Variants in TBCE observed in about 807,000 individuals in gnomAD.
TBCE encodes tubulin folding cofactor E.
TBCE carries 53 observed loss-of-function variants against 77.0 expected under a neutral mutation model. The observed-to-expected ratio is 0.69, with a 90% CI of 0.55 to 0.87. TBCE has a LOEUF of 0.87. Among genes scored for constraint, TBCE ranks in the 40% least tolerant of loss-of-function variants. The pLI, the probability that TBCE is intolerant of heterozygous loss-of-function variation, is 0.00. For synonymous variants in TBCE, 235 were observed against 241.3 expected (o/e 0.97, Z 0.24); for missense variants, 624 against 622.4 (o/e 1.00, Z -0.03).
At chr1:235,398,622 CTT>C (rs543905164) in intron 2 of TBCE, among the ~76,000 whole-genome samples, 15 of 133,336 alleles carry the variant, frequency 1.1e-4, no homozygotes, top group Non-Finnish European at 2.0e-4. Context: ...GTGGTGTTTT[CTT>C]TTTTTTTTTT....
intron 2 of TBCE, among the ~76,000 whole-genome samples, chr1:235,398,506 G>T (rs1289845293): frequency 6.6e-6 from 1 of 151,438 alleles, no homozygotes; most frequent in Non-Finnish European, 1.5e-5. Context: ...CTTAATTATT[G>T]ATAATTTGGG....
intron 1 of TBCE, among the ~76,000 whole-genome samples, chr1:235,371,512 TTA>T (rs1436964055): frequency 4.3e-4 from 65 of 150,098 alleles, no homozygotes; most frequent in African/African-American, 1.6e-3. Flanking sequence ...GTAGCTGGGA[TTA>T]TACGCGTGTG....
intron 13 of TBCE, among the ~76,000 whole-genome samples, chr1:235,440,453 C>T (rs922792758): frequency 3.3e-5 from 5 of 151,942 alleles, no homozygotes; most frequent in Non-Finnish European, 5.9e-5. Flanking sequence ...AGTCCAATGG[C>T]GCGATCTCGG....
intron 1 of TBCE, among the ~76,000 whole-genome samples, chr1:235,378,444 G>T (rs1572320769): frequency 6.6e-6 from 1 of 152,186 alleles, no homozygotes; most frequent in Non-Finnish European, 1.5e-5. Flanking sequence ...GGCTGGTCTC[G>T]AATTCCTGGC....
At chr1:235,444,497 G>A (rs572801188) in intron 15 of TBCE, among the ~76,000 whole-genome samples, 91 of 152,164 alleles carry the variant, frequency 6.0e-4, no homozygotes, top group Non-Finnish European at 1.5e-4. Flanking sequence ...CCTTGATCCC[G>A]GGCTCAAGTG....
intron 5 of TBCE, among the ~76,000 whole-genome samples, chr1:235,426,648 ATTTATT>A (rs1680729159): frequency 6.6e-6 from 1 of 152,012 alleles, no homozygotes; most frequent in Non-Finnish European, 1.5e-5. Context: ...TGAACTTTTA[ATTTATT>A]TTTAGTTTTT....
intron 15 of TBCE, among the ~76,000 whole-genome samples, chr1:235,445,982 T>C (rs896807198): frequency 6.6e-5 from 10 of 152,292 alleles, no homozygotes; most frequent in East Asian, 3.9e-4. Context: ...CACATGTGGC[T>C]ATTTAAATTC....
intron 14 of TBCE, among the ~76,000 whole-genome samples, 178 bp downstream of exon 14, chr1:235,442,060 T>G (rs1572447091): frequency 6.6e-6 from 1 of 150,816 alleles, no homozygotes; most frequent in Non-Finnish European, 1.5e-5. Flanking sequence ...CAGGCTGGAG[T>G]GCAGTGGTGT....
At chr1:235,394,275 C>T (rs540755311) in intron 2 of TBCE, among the ~76,000 whole-genome samples, 143 of 152,026 alleles carry the variant, frequency 9.4e-4, no homozygotes, top group Non-Finnish European at 9.1e-4. Flanking sequence ...GGGGTTTCAC[C>T]GTGTTAGCCA....
In TBCE at chr1:235,436,838, G is replaced by GC. The variant is rs1340988948; in HGVS notation, c.963+232dup. ...ATGGCACATTAATAGAGTAAAAGGG[G>GC]CCGGGTGTGGTGGCTCAAGCCTGTA... On this transcript the variant is annotated intron_variant, in intron 11 of 16. Transcript: ENST00000642610. 5.9e-5 allele frequency among the ~76,000 whole-genome samples: 9 copies of GC among 152,294 alleles called. No individual in the cohort carries two copies. The East Asian group carries it at 1.5e-3, about 26-fold the overall frequency.
intron 5 of TBCE, chr1:235,423,642 G>T: frequency 6.5e-6 from 1 of 154,230 alleles, no homozygotes. Context: ...CCATCATGCA[G>T]GTGTGGGCCC....
intron 2 of TBCE, among the ~76,000 whole-genome samples, chr1:235,396,726 G>A (rs1678744483): frequency 6.6e-6 from 1 of 152,098 alleles, no homozygotes; most frequent in Non-Finnish European, 1.5e-5. Context: ...TTTCTCTGAT[G>A]ATCAGTGATG....
chr1:235,414,611 C>T lies in TBCE; in HGVS notation c.364C>T (p.Gln122Ter), dbSNP rs1649975806. The stretch of plus-strand genomic sequence containing the variant: ...TATCGGTTTTGACTCTATTATGAAA[C>T]AGCAAAGGTAAGTGGAGTTTATAAC... ...ETIGFDSIMKQQSQLSKLQEV... is the reference protein window; with the variant it reads ...ETIGFDSIMK Residue 122 changes from glutamine to a stop codon, truncating the protein, a stop_gained, in exon 4 of 17, where the codon CAG becomes TAG. Transcript: ENST00000642610. LOFTEE classifies it high-confidence loss of function. The T allele has an allele frequency of 6.2e-7, 1 of 1,613,542 alleles. No homozygotes were observed. Among genetic ancestry groups the T allele is most frequent in the Non-Finnish European group, 8.5e-7 (1 of 1,179,894 alleles).
rs774822889 is a variant in TBCE, at chr1:235,448,708, G to C, written c.1530G>C (p.Lys510Asn). 5 of 1,613,980 alleles carry C rather than the reference G, an allele frequency of 3.1e-6. No individual in the cohort carries two copies. Among genetic ancestry groups the C allele is most frequent in the South Asian group, 1.1e-5 (1 of 91,084 alleles). Residue 510 changes from lysine to asparagine, a missense_variant, in exon 17 of 17, where the codon AAG (lysine) becomes AAC (asparagine). Lys to Asn is a moderately conservative substitution (Grantham distance 94). Coordinates refer to ENST00000642610, the MANE Select transcript of TBCE (RefSeq NM_003193.5). ...GREIELENDLKSLQFYSVENG... is the reference protein window; with the variant it reads ...GREIELENDLNSLQFYSVENG... Reference sequence around the variant, plus strand: ...AAATCGAGCTGGAAAATGACCTAAAGTCATTACAGTTTTATTCTGTGGAAA... The same window carrying C: ...AAATCGAGCTGGAAAATGACCTAAACTCATTACAGTTTTATTCTGTGGAAA...
At chr1:235,403,049 GTCAGGGTGT>G (rs1276143785) in intron 3 of TBCE, among the ~76,000 whole-genome samples, 1 of 152,110 alleles carries the variant, frequency 6.6e-6, no homozygotes, top group Non-Finnish European at 1.5e-5. Context: ...ATTTTAGAAA[GTCAGGGTGT>G]TCTTAAAAGG....
intron 6 of TBCE, chr1:235,429,377 G>C (rs1680956916): frequency 6.6e-6 from 1 of 152,168 alleles, no homozygotes; most frequent in Admixed American, 6.6e-5. Context: ...TAAGGAATGT[G>C]TTTTAACTTT....
chr1:235,390,566 A>G (rs1678316568), intron 2 of TBCE, among the ~76,000 whole-genome samples: 1 of 152,244 alleles, frequency 6.6e-6, no homozygotes, highest in South Asian at 2.1e-4. Flanking sequence ...AGCCTGACCA[A>G]CATGGTGAAA....
intron 3 of TBCE, among the ~76,000 whole-genome samples, chr1:235,403,430 G>A (rs1351382604): frequency 1.3e-5 from 2 of 151,874 alleles, no homozygotes; most frequent in Admixed American, 6.6e-5. Flanking sequence ...GACTGTTCTC[G>A]AACTCCTGAC....
At chr1:235,401,989 A>G (rs949410792) in intron 3 of TBCE, among the ~76,000 whole-genome samples, 3 of 151,980 alleles carry the variant, frequency 2.0e-5, no homozygotes, top group African/African-American at 7.2e-5. Flanking sequence ...GAACATCTGA[A>G]TAGTGGAATG....
Sources: gnomAD v4.1 joint callset for allele counts (sites outside exome capture counted in the v4.1 genomes callset) on GRCh38, gnomAD v4.1.1 for gene constraint, MANE v1.5 for transcripts, NCBI Gene and HGNC (gene_info 2026-07-23, HGNC 2026-07-21) for gene names.